GPR137C: variants seen among roughly 807,000 people sequenced by gnomAD.
GPR137C encodes the protein G protein-coupled receptor 137C, also known as integral membrane protein GPR137C.
In GPR137C, 27 loss-of-function variants were observed where a neutral mutation model predicts 43.4. The ratio of observed to expected loss-of-function variants is 0.62; its 90% confidence interval spans 0.46 to 0.86. The LOEUF (loss-of-function observed/expected upper bound fraction) is 0.86, where lower values mean the gene tolerates loss of function less well. Among genes scored for constraint, GPR137C ranks in the 40% least tolerant of loss-of-function variants. GPR137C has a pLI of 0.00. For missense variants in GPR137C, 522 were observed against 534.6 expected (o/e 0.98, Z 0.23); for synonymous variants, 285 against 226.9 (o/e 1.26, Z -2.30).
At chr14:52,579,769 A>G (rs1017103877) in intron 1 of GPR137C, among the ~76,000 whole-genome samples, 4 of 152,246 alleles carry the variant, frequency 2.6e-5, no homozygotes, top group Non-Finnish European at 5.9e-5. Context: ...AATGAGGTGT[A>G]ACAACACATG....
chr14:52,577,514 G>A lies in GPR137C; in HGVS notation c.445-20758G>A, dbSNP rs944655225. On this transcript the variant is annotated intron_variant, in intron 1 of 6. Transcript: ENST00000321662. ...ACCAAACATGCACGCGTGCGCGCGC[G>A]CGCACACACACACACACACACACAC... 2.3e-4 allele frequency among the ~76,000 whole-genome samples: 27 copies of A among 118,550 alleles called. 1 individual carries two copies. The East Asian group carries it at 3.3e-3, about 14-fold the overall frequency. The allele number at this position is 118,550 out of a possible 152,430, so 77.8% of individuals were successfully genotyped here.
chr14:52,623,676 A>ATT (rs78747236), intron 3 of GPR137C, among the ~76,000 whole-genome samples: 658 of 14,524 alleles, frequency 0.045, 4 homozygotes, highest in African/African-American at 0.16. Context: ...GCTTCATAAT[A>ATT]TTTTCATAAT....
intron 3 of GPR137C, among the ~76,000 whole-genome samples, chr14:52,609,830 G>A (rs537656762): frequency 1.3e-5 from 2 of 152,334 alleles, no homozygotes; most frequent in African/African-American, 2.4e-5. Flanking sequence ...ACAGGAGTAG[G>A]TGGAGCTTAA....
At chr14:52,597,322 G>A (rs1001781568) in intron 1 of GPR137C, among the ~76,000 whole-genome samples, 7 of 152,188 alleles carry the variant, frequency 4.6e-5, no homozygotes, top group African/African-American at 4.8e-5. Context: ...AGCAGAAACC[G>A]TGGTCATGTT....
At chr14:52,586,836 G>A (rs963835131) in intron 1 of GPR137C, among the ~76,000 whole-genome samples, 8 of 152,064 alleles carry the variant, frequency 5.3e-5, no homozygotes, top group Non-Finnish European at 1.0e-4. Context: ...TGTCAGTGGT[G>A]CCCTCATTCT....
At chr14:52,578,475 A>C (rs75006637) in intron 1 of GPR137C, among the ~76,000 whole-genome samples, 1,898 of 151,968 alleles carry the variant, frequency 0.012, 13 homozygotes, top group Non-Finnish European at 0.021. Context: ...TATTCTCTGA[A>C]TTTTTTATTA....
intron 1 of GPR137C, among the ~76,000 whole-genome samples, chr14:52,577,516 G>GCGCGCA (rs369713179): frequency 6.9e-6 from 1 of 145,408 alleles, no homozygotes; most frequent in Non-Finnish European, 1.5e-5. Context: ...GCGCGCGCGC[G>GCGCGCA]CACACACACA....
intron 3 of GPR137C, chr14:52,612,968 G>C (rs1219822104): frequency 6.6e-6 from 1 of 151,766 alleles, no homozygotes; most frequent in Non-Finnish European, 1.5e-5. Context: ...TTTGGGCCAG[G>C]CGCAGTGGCT....
At chr14:52,564,736 G>T (rs1217907790) in intron 1 of GPR137C, among the ~76,000 whole-genome samples, 1 of 152,136 alleles carries the variant, frequency 6.6e-6, no homozygotes, top group Non-Finnish European at 1.5e-5. Flanking sequence ...GACCAAGTCT[G>T]TTCTTGCTGT....
chr14:52,568,507 T>C (rs2038409283), intron 1 of GPR137C, among the ~76,000 whole-genome samples: 2 of 152,120 alleles, frequency 1.3e-5, no homozygotes, highest in South Asian at 4.1e-4. Flanking sequence ...GTGGTGTAGC[T>C]CAGTGGATCC....
chr14:52,558,733 C>CA (rs1434807809), intron 1 of GPR137C, among the ~76,000 whole-genome samples: 3 of 151,800 alleles, frequency 2.0e-5, no homozygotes, highest in African/African-American at 2.4e-5. Context: ...TGTTGAAATA[C>CA]AAAAAATTGG....
At chr14:52,567,129 C>G (rs1412052877) in intron 1 of GPR137C, among the ~76,000 whole-genome samples, 1 of 151,954 alleles carries the variant, frequency 6.6e-6, no homozygotes, top group Non-Finnish European at 1.5e-5. Context: ...AAGAAAAGAA[C>G]TCTGGATATG....
At position 52,635,171 on chromosome 14, in the gene GPR137C, G is replaced by A. The variant is rs556023679; in HGVS notation, c.*56G>A. The A allele has an allele frequency of 2.2e-6, 3 of 1,354,606 alleles. No homozygotes were observed. Among genetic ancestry groups the A allele is most frequent in the East Asian group, 2.5e-5 (1 of 39,970 alleles). The allele number at this position is 1,354,606 out of a possible 1,614,324, so 83.9% of individuals were successfully genotyped here. A position where few individuals can be genotyped will look rare whatever the true frequency, so the allele number is the denominator to read the frequency against. On this transcript the variant is annotated 3_prime_UTR_variant, in exon 7 of 7. Coordinates refer to ENST00000321662, the MANE Select transcript of GPR137C (RefSeq NM_001099652.2). ...TTTTTCATAAATGTGTATATTCAAT[G>A]TGTTTAAATTCCATCTACATAAACA...
At chr14:52,605,444 T>C (rs974325886) in intron 3 of GPR137C, among the ~76,000 whole-genome samples, 4 of 152,214 alleles carry the variant, frequency 2.6e-5, no homozygotes, top group African/African-American at 9.6e-5. Flanking sequence ...TAATAGTTCT[T>C]TGTGGAATCT....
intron 1 of GPR137C, among the ~76,000 whole-genome samples, chr14:52,579,138 T>A (rs1021703438): frequency 6.6e-6 from 1 of 152,154 alleles, no homozygotes. Context: ...AGTAAAGGTC[T>A]ATTCCAGCAT....
At chr14:52,564,708 A>G (rs1226855794) in intron 1 of GPR137C, among the ~76,000 whole-genome samples, 2 of 152,158 alleles carry the variant, frequency 1.3e-5, no homozygotes, top group African/African-American at 4.8e-5. Context: ...CTAGATTGGT[A>G]AGCACTATAG....
At chr14:52,610,136 A>G (rs1454291442) in intron 3 of GPR137C, among the ~76,000 whole-genome samples, 1 of 152,200 alleles carries the variant, frequency 6.6e-6, no homozygotes, top group African/African-American at 2.4e-5. Flanking sequence ...AAATAAGACT[A>G]TCCCCCATTC....
chr14:52,608,300 C>CA (rs1402430969), intron 3 of GPR137C, among the ~76,000 whole-genome samples: 1 of 152,000 alleles, frequency 6.6e-6, no homozygotes, highest in Non-Finnish European at 1.5e-5. Flanking sequence ...ATGAGGCTTA[C>CA]AAAAAATATT....
chr14:52,624,794 A>G (rs892658539), intron 3 of GPR137C, among the ~76,000 whole-genome samples: 12 of 152,102 alleles, frequency 7.9e-5, no homozygotes, highest in African/African-American at 2.7e-4. Context: ...AAAATGGAGA[A>G]ATTAAAGCCA....
Sources: gnomAD v4.1 joint callset for allele counts (sites outside exome capture counted in the v4.1 genomes callset) on GRCh38, gnomAD v4.1.1 for gene constraint, MANE v1.5 for transcripts, NCBI Gene and HGNC (gene_info 2026-07-23, HGNC 2026-07-21) for gene names.